Variants in COX4I1 observed in about 807,000 individuals in gnomAD.
COX4I1 encodes the protein cytochrome c oxidase subunit 4I1, also known as cytochrome c oxidase subunit 4 isoform 1, mitochondrial.
In COX4I1, 18 loss-of-function variants were observed where a neutral mutation model predicts 21.7. The observed-to-expected ratio is 0.83, with a 90% CI of 0.57 to 1.23. The LOEUF (loss-of-function observed/expected upper bound fraction) is 1.23. Among genes scored for constraint, COX4I1 ranks in the 50% most tolerant of loss-of-function variants. COX4I1 has a pLI of 0.00. For synonymous variants in COX4I1, 100 were observed against 81.5 expected (o/e 1.23, Z -1.23); for missense variants, 238 against 220.7 (o/e 1.08, Z -0.50).
At chr16:85,801,954 T>C (rs1257329290) in intron 2 of COX4I1, among the ~76,000 whole-genome samples, 1 of 152,138 alleles carries the variant, frequency 6.6e-6, no homozygotes, top group Non-Finnish European at 1.5e-5. Flanking sequence ...TATTAAGAGA[T>C]GGCTCCTGGG....
intron 2 of COX4I1, among the ~76,000 whole-genome samples, chr16:85,802,473 G>C (rs1340967006): frequency 6.6e-6 from 1 of 152,242 alleles, no homozygotes; most frequent in South Asian, 2.1e-4. Flanking sequence ...AAGACGAACT[G>C]CAGGCTCTTA....
At chr16:85,803,987 C>G (rs1159834456) in intron 2 of COX4I1, 2 of 152,290 alleles carry the variant, frequency 1.3e-5, no homozygotes. Flanking sequence ...TTTTCCACTT[C>G]TAGAAGTGTG....
At chr16:85,800,076 C>A (rs552485272) in intron 1 of COX4I1, among the ~76,000 whole-genome samples, 8 of 151,112 alleles carry the variant, frequency 5.3e-5, no homozygotes, top group African/African-American at 2.0e-4. Flanking sequence ...TGCCTGCAGC[C>A]TCCGCCCTTG....
At chr16:85,801,408 A>G (rs1425489810) in intron 2 of COX4I1, 130 bp downstream of exon 2, 5 of 642,432 alleles carry the variant, frequency 7.8e-6, no homozygotes, top group Non-Finnish European at 1.4e-5. Context: ...GGAGATATAA[A>G]TGTTCTCACA....
rs139930428 is a variant in COX4I1, at chr16:85,800,604, C to T, written c.-1-601C>T. 2.4e-4 allele frequency among the ~76,000 whole-genome samples: 36 copies of T among 152,268 alleles called. 1 individual carries two copies. Among genetic ancestry groups the T allele is most frequent in the Admixed American group, 1.6e-3 (25 of 15,296 alleles). The stretch of plus-strand genomic sequence containing the variant: ...ATGATCTCTAGCTTTTTCAGAGTCA[C>T]CTTGTTAGCATTTTTTCTTCTTGCC... On this transcript the variant is annotated intron_variant, in intron 1 of 4. Coordinates refer to ENST00000253452, the MANE Select transcript of COX4I1 (RefSeq NM_001861.6).
Position 85,799,793 on chromosome 16 carries a change from C to CCGGGT in COX4I1, c.-2+46_-2+50dup, listed in dbSNP as rs1236931520. 1 of 153,478 alleles carries CCGGGT rather than the reference C, an allele frequency of 6.5e-6. No homozygotes were observed. The highest frequency in any genetic ancestry group is 1.9e-4 in the East Asian group (1 of 5,188). 9.5% of individuals were successfully genotyped at this position (153,478 alleles called of 1,614,324 possible). On this transcript the variant is annotated intron_variant, in intron 1 of 4. Coordinates refer to ENST00000253452, the MANE Select transcript of COX4I1 (RefSeq NM_001861.6). This position sits in a 1 kb window ranked among gnomAD's most constrained non-coding sequence, Gnocchi z 4.2. ...GCCGGTGCGGCGCCGCCAGGCCGGG[C>CCGGGT]CGGGTCGGGGGGCCGGGAGCCATCA...
At chr16:85,805,944 C>A in intron 4 of COX4I1, 80 bp downstream of exon 4, 1 of 1,577,662 alleles carries the variant, frequency 6.3e-7, no homozygotes, top group Non-Finnish European at 8.7e-7. Context: ...TGTCGGGGAC[C>A]TCCATACCTT....
intron 3 of COX4I1, 125 bp from the exon 4 acceptor site, chr16:85,805,608 G>GGT: frequency 7.1e-7 from 1 of 1,407,558 alleles, no homozygotes; most frequent in Non-Finnish European, 9.8e-7. Context: ...GGCCTGGGTT[G>GGT]GTGTATCCTT....
At chr16:85,805,194 T>C (rs111880151) in intron 3 of COX4I1, 90 bp downstream of exon 3, 1 of 1,252,910 alleles carries the variant, frequency 8.0e-7, no homozygotes, top group Non-Finnish European at 1.0e-6. Flanking sequence ...GCCTACTGTC[T>C]AGAGGCAGTC....
rs1428731009 is a variant in COX4I1 at position 85,799,963 on chromosome 16, A to T, written c.-2+211A>T. ...GGGGCCGCCCCGAAGTGCCCGGTCC[A>T]TCTTACCCGGTCTCGCAGCGGCTGC... On this transcript the variant is annotated intron_variant, in intron 1 of 4. Coordinates refer to ENST00000253452, the MANE Select transcript of COX4I1 (RefSeq NM_001861.6). The surrounding 1 kb of genome is among the most constrained non-coding windows in gnomAD (Gnocchi z 4.2). 6.6e-6 allele frequency: 1 copy of T among 152,164 alleles called. No individual in the cohort carries two copies. The highest frequency in any genetic ancestry group is 2.4e-5 in the African/African-American group (1 of 41,458). The allele number at this position is 152,164 out of a possible 1,614,324, so 9.4% of individuals were successfully genotyped here. A position where few individuals can be genotyped will look rare whatever the true frequency, so the allele number is the denominator to read the frequency against.
At position 85,807,016 on chromosome 16, in the gene COX4I1, G is replaced by A. The variant is rs1031680481; in HGVS notation, c.*142G>A. The A allele has an allele frequency of 3.8e-6, 3 of 786,000 alleles. No homozygotes were observed. In the Admixed American group the frequency reaches 9.0e-5, roughly 23 times the overall value. The allele number at this position is 786,000 out of a possible 1,614,324, so 48.7% of individuals were successfully genotyped here. On this transcript the variant is annotated 3_prime_UTR_variant, in exon 5 of 5. Transcript: ENST00000253452. ...GTTTACCTGAAACCCTTTGTGATCA[G>A]TTCTTTAATGATACCTAAATGAAAG... is the stretch of plus-strand genomic sequence containing the variant.
Position 85,801,260 on chromosome 16 carries a change from G to C in COX4I1, c.55G>C (p.Val19Leu). 1.2e-6 allele frequency: 2 copies of C among 1,610,772 alleles called. No individual in the cohort carries two copies. The change falls in exon 2 of 5, where the codon GTG becomes CTG. Residue 19 changes from valine to leucine, a missense_variant. Transcript: ENST00000253452. ...LVGKRAISTSVCVRAHESVVK... is the reference protein window; with the variant it reads ...LVGKRAISTSLCVRAHESVVK... Reference sequence around the variant, plus strand: ...TGGCAAGCGAGCAATTTCCACCTCTGTGTGTGTACGAGCTCATGGTAAGTG... The same window carrying C: ...TGGCAAGCGAGCAATTTCCACCTCTCTGTGTGTACGAGCTCATGGTAAGTG...
chr16:85,800,483 C>T (rs1382213897), intron 1 of COX4I1, among the ~76,000 whole-genome samples: 1 of 152,208 alleles, frequency 6.6e-6, no homozygotes, highest in Non-Finnish European at 1.5e-5. Flanking sequence ...TTTAAACACT[C>T]AGTTGAATGT....
rs370265790 is a variant in COX4I1, at chr16:85,806,669, T to C, written c.374-69T>C. ...GCTGGTGTGTCGGGAGGATTTAACC[T>C]GTGTGAGGGATTGGCCTAGAAACAA... On this transcript the variant is annotated intron_variant, in intron 4 of 4. Coordinates refer to ENST00000253452, the MANE Select transcript of COX4I1 (RefSeq NM_001861.6). 191 of 1,613,264 alleles carry C rather than the reference T, an allele frequency of 1.2e-4. No homozygotes were observed. In the African/African-American group the frequency reaches 2.2e-3, roughly 18 times the overall value.
chr16:85,801,254 A>T lies in COX4I1; in HGVS notation c.49A>T (p.Thr17Ser). The T allele has an allele frequency of 6.2e-7, 1 of 1,610,708 alleles. No homozygotes were observed. The highest frequency in any genetic ancestry group is 8.5e-7 in the Non-Finnish European group (1 of 1,177,194). The change falls in exon 2 of 5, where the codon ACC becomes TCC. Residue 17 changes from threonine (T) to serine (S), a missense_variant. Thr to Ser is a moderately conservative substitution (Grantham distance 58). Coordinates refer to ENST00000253452, the MANE Select transcript of COX4I1 (RefSeq NM_001861.6). The stretch of plus-strand genomic sequence containing the variant: ...CCTAGTTGGCAAGCGAGCAATTTCC[A>T]CCTCTGTGTGTGTACGAGCTCATGG... ...FSLVGKRAIS[T>S]SVCVRAHESV...
At chr16:85,806,465 G>A (rs757263492) in intron 4 of COX4I1, 2 of 704,152 alleles carry the variant, frequency 2.8e-6, no homozygotes, top group South Asian at 3.0e-5. Context: ...GGTCACCTTG[G>A]GCTCTGTTTG....
intron 1 of COX4I1, among the ~76,000 whole-genome samples, chr16:85,800,454 T>G (rs765899774): frequency 1.1e-4 from 16 of 152,292 alleles, no homozygotes; most frequent in Non-Finnish European, 1.8e-4. Context: ...TTCTAGTCTA[T>G]GTACAGGCGG....
chr16:85,806,351 C>T (rs1906199228), intron 4 of COX4I1: 1 of 646,254 alleles, frequency 1.5e-6, no homozygotes, highest in African/African-American at 1.8e-5. Flanking sequence ...TCTTTCTGTC[C>T]AGGCAGAACA....
In COX4I1 at chr16:85,801,707, A is replaced by C. The variant is rs577564525; in HGVS notation, c.73+429A>C. The stretch of plus-strand genomic sequence containing the variant: ...CTAGCCTGAGCTGGGTTTTCATCTC[A>C]TTTCTATCAAGGACTAGCTACTGAA... On this transcript the variant is annotated intron_variant, in intron 2 of 4. Coordinates refer to ENST00000253452, the MANE Select transcript of COX4I1 (RefSeq NM_001861.6). Among the ~76,000 whole-genome samples the C allele has an allele frequency of 2.6e-5, 4 of 152,172 alleles. No homozygotes were observed. The South Asian group carries it at 8.3e-4, about 32-fold the overall frequency.
Sources: gnomAD v4.1 joint callset for allele counts (sites outside exome capture counted in the v4.1 genomes callset) on GRCh38, gnomAD v4.1.1 for gene constraint, Gnocchi (gnomAD v3.1) non-coding constraint, MANE v1.5 for transcripts, NCBI Gene and HGNC (gene_info 2026-07-23, HGNC 2026-07-21) for gene names.